The following ENTPD1 variants were observed in gnomAD, a reference collection of about 807,000 sequenced individuals.
ENTPD1 encodes ectonucleoside triphosphate diphosphohydrolase 1.
A neutral mutation model predicts 57.0 loss-of-function variants in ENTPD1; 33 were observed. That is an observed-to-expected ratio of 0.58 (90% CI 0.44 to 0.77). The LOEUF (loss-of-function observed/expected upper bound fraction) is 0.77, where lower values mean the gene tolerates loss of function less well. ENTPD1 is among the 30% of genes least tolerant of loss of function. The pLI is 0.00. For synonymous variants in ENTPD1, 202 were observed against 218.8 expected (o/e 0.92, Z 0.68); for missense variants, 501 against 603.4 (o/e 0.83, Z 1.78).
chr10:95,719,837 T>C (rs2097975623), intron 1 of ENTPD1, among the ~76,000 whole-genome samples: 1 of 152,160 alleles, frequency 6.6e-6, no homozygotes, highest in Non-Finnish European at 1.5e-5. Context: ...AGTTGAGACA[T>C]TGGGTTCGAA....
At chr10:95,734,900 A>C (rs1368691773) in intron 1 of ENTPD1, among the ~76,000 whole-genome samples, 1 of 152,220 alleles carries the variant, frequency 6.6e-6, no homozygotes, top group Non-Finnish European at 1.5e-5. Flanking sequence ...TGCAGGCTTC[A>C]GAGCAGAGAC....
upstream of ENTPD1, chr10:95,755,424 A>G: frequency 2.5e-6 from 1 of 404,728 alleles, no homozygotes; most frequent in Non-Finnish European, 4.4e-6. Flanking sequence ...CAGTTTAAAA[A>G]TAATTTGGTC....
chr10:95,780,978 T>G (rs766811937), intron 1 of ENTPD1, among the ~76,000 whole-genome samples: 1 of 152,214 alleles, frequency 6.6e-6, no homozygotes, highest in African/African-American at 2.4e-5. Context: ...GTTGCAGCAT[T>G]ATTCACAATA....
intron 1 of ENTPD1, among the ~76,000 whole-genome samples, chr10:95,738,243 C>G (rs914754684): frequency 2.6e-5 from 4 of 152,152 alleles, no homozygotes; most frequent in Non-Finnish European, 5.9e-5. Context: ...TGCATTAGCC[C>G]CTGGAATCTC....
In ENTPD1 at chr10:95,842,507, G is replaced by A. The variant is rs2140832117; in HGVS notation, c.413+13G>A. 8 of 1,612,430 alleles carry A rather than the reference G, an allele frequency of 5.0e-6. No individual in the cohort carries two copies. Among genetic ancestry groups the A allele is most frequent in the Non-Finnish European group, 6.8e-6 (8 of 1,178,826 alleles). ...TGCGGTTGCTCAGGTATAGCAGCAT[G>A]TAGGGACCAAGAGTATCTGGGAGTT... is the stretch of plus-strand genomic sequence containing the variant. On this transcript the variant is annotated intron_variant, in intron 4 of 9. Transcript: ENST00000371205.
Position 95,866,913 on chromosome 10 carries a change from G to A in ENTPD1, c.*530G>A. On this transcript the variant is annotated 3_prime_UTR_variant, in exon 10 of 10. Transcript: ENST00000371205. ...TGGGTAGGAGAATTTTCTACAGTAG[G>A]CAAATATGTGCTAAAGCCAAAGAGT... 1 of 1,016,786 alleles carries A rather than the reference G, an allele frequency of 9.8e-7. No homozygotes were observed. Among genetic ancestry groups the A allele is most frequent in the Non-Finnish European group, 1.2e-6 (1 of 848,014 alleles). The allele number at this position is 1,016,786 out of a possible 1,614,324, so 63.0% of individuals were successfully genotyped here. A position where few individuals can be genotyped will look rare whatever the true frequency, so the allele number is the denominator to read the frequency against.
chr10:95,866,446 C>T lies in ENTPD1; in HGVS notation c.*63C>T, dbSNP rs2141012958. On this transcript the variant is annotated 3_prime_UTR_variant, in exon 10 of 10. Coordinates refer to ENST00000371205, the MANE Select transcript of ENTPD1 (RefSeq NM_001776.6). ...AAAATCGTCCAGGGAGCATTTTCCTCCATCGCAGTGTTCAAGGCCATCCTT... is the reference window on the plus strand; with the variant it reads ...AAAATCGTCCAGGGAGCATTTTCCTTCATCGCAGTGTTCAAGGCCATCCTT... 1.3e-6 allele frequency: 2 copies of T among 1,598,408 alleles called. No individual in the cohort carries two copies. Among genetic ancestry groups the T allele is most frequent in the Non-Finnish European group, 1.7e-6 (2 of 1,171,936 alleles).
At chr10:95,696,710 T>C in the ENTPD1 span, among the ~76,000 whole-genome samples, 1 of 152,244 alleles carries the variant, frequency 6.6e-6, no homozygotes, top group Non-Finnish European at 1.5e-5. Context: ...GTCATGCAGA[T>C]GTCAGGTTTA....
the ENTPD1 span, among the ~76,000 whole-genome samples, chr10:95,694,421 TAA>T: frequency 2.1e-4 from 31 of 149,348 alleles, no homozygotes; most frequent in South Asian, 6.3e-4. Context: ...ATGGCTTTTT[TAA>T]AAAAAAAAAA....
At chr10:95,736,169 T>C (rs1049693495) in intron 1 of ENTPD1, among the ~76,000 whole-genome samples, 5 of 151,820 alleles carry the variant, frequency 3.3e-5, no homozygotes, top group African/African-American at 1.2e-4. Flanking sequence ...CTAGGCTAAT[T>C]TTTGTATTTT....
At chr10:95,764,071 G>C (rs1356114408) in intron 1 of ENTPD1, among the ~76,000 whole-genome samples, 1 of 152,142 alleles carries the variant, frequency 6.6e-6, no homozygotes, top group Non-Finnish European at 1.5e-5. Flanking sequence ...TCACAGGATT[G>C]TGTACCACCA....
intron 2 of ENTPD1, among the ~76,000 whole-genome samples, chr10:95,827,179 C>T (rs541878172): frequency 2.0e-5 from 3 of 152,140 alleles, no homozygotes; most frequent in East Asian, 3.9e-4. Flanking sequence ...GTTGGCTGGG[C>T]GCGGTGGCTC....
At chr10:95,838,694 C>G (rs2098416172) in intron 2 of ENTPD1, among the ~76,000 whole-genome samples, 1 of 152,154 alleles carries the variant, frequency 6.6e-6, no homozygotes, top group Admixed American at 6.5e-5. Flanking sequence ...GTATCTTGAT[C>G]TGGGTGGTGG....
the ENTPD1 span, among the ~76,000 whole-genome samples, chr10:95,701,987 A>C: frequency 3.3e-5 from 5 of 152,058 alleles, no homozygotes; most frequent in Admixed American, 2.6e-4. Context: ...ATAATCCTAA[A>C]CTTAATCTTA....
intron 1 of ENTPD1, among the ~76,000 whole-genome samples, chr10:95,778,480 G>GC (rs11407296): frequency 0.54 from 81,352 of 151,392 alleles, 22,229 homozygotes; most frequent in Admixed American, 0.63. Flanking sequence ...ATACCTAAAA[G>GC]ATTTTTTTCT....
intron 1 of ENTPD1, among the ~76,000 whole-genome samples, chr10:95,822,094 G>A (rs1231794007): frequency 6.7e-6 from 1 of 149,746 alleles, no homozygotes; most frequent in Non-Finnish European, 1.5e-5. Flanking sequence ...CTGCCTCCTG[G>A]GTTCAAGTGA....
chr10:95,851,428 G>A (rs1369284337), intron 7 of ENTPD1, among the ~76,000 whole-genome samples: 1 of 151,352 alleles, frequency 6.6e-6, no homozygotes, highest in Non-Finnish European at 1.5e-5. Context: ...TAGGTTGGAT[G>A]ATCTTTTTTT....
chr10:95,712,040 G>C, intron 1 of ENTPD1: 1 of 1,612,562 alleles, frequency 6.2e-7, no homozygotes, highest in Non-Finnish European at 8.5e-7. Flanking sequence ...TCCCTCTGTG[G>C]AATCTGGTAG....
upstream of ENTPD1, among the ~76,000 whole-genome samples, chr10:95,710,700 G>A (rs1457285263): frequency 6.6e-6 from 1 of 152,004 alleles, no homozygotes; most frequent in African/African-American, 2.4e-5. Flanking sequence ...GGGAAGAGGG[G>A]TTTCTACTCC....
Sources: allele counts gnomAD v4.1 joint callset (sites outside exome capture counted in the v4.1 genomes callset), GRCh38; gene constraint gnomAD v4.1.1; transcripts MANE v1.5; gene names NCBI Gene and HGNC (gene_info 2026-07-23, HGNC 2026-07-21).